The following DLG2 variants were observed in gnomAD, a reference collection of about 807,000 sequenced individuals.
DLG2 encodes the protein disks large homolog 2.
A neutral mutation model predicts 132.5 loss-of-function variants in DLG2; 45 were observed. That is an observed-to-expected ratio of 0.34 (90% CI 0.27 to 0.44). DLG2 has a LOEUF of 0.44. Ranked by LOEUF, DLG2 falls within the 20% of genes least tolerant of loss-of-function variation. The pLI, the probability that DLG2 is intolerant of heterozygous loss-of-function variation, is 1.00. For synonymous variants in DLG2, 424 were observed against 419.6 expected (o/e 1.01, Z -0.13); for missense variants, 1,045 against 1,196.9 (o/e 0.87, Z 1.87).
At chr11:83,892,631 A>G (rs2070273972) in intron 15 of DLG2, among the ~76,000 whole-genome samples, 2 of 152,104 alleles carry the variant, frequency 1.3e-5, no homozygotes, top group African/African-American at 4.8e-5. Context: ...GAAAGGGCAT[A>G]AAGGTAACAA....
rs1486131156 is a variant in DLG2 at position 84,120,994 on chromosome 11, G to T, written c.625-21947C>A. ...CTACAACACTACTCTAATTTCTTTT[G>T]TCTTTACTCTTGCTCATTCATTCAA... On this transcript the variant is annotated intron_variant, in intron 9 of 27. Transcript: ENST00000376104. Among the ~76,000 whole-genome samples, 3 of 152,086 alleles carry T rather than the reference G, an allele frequency of 2.0e-5. No individual in the cohort carries two copies. In the East Asian group the frequency reaches 5.8e-4, roughly 29 times the overall value.
At chr11:83,490,498 G>C (rs919331053) in intron 21 of DLG2, among the ~76,000 whole-genome samples, 1 of 151,972 alleles carries the variant, frequency 6.6e-6, no homozygotes, top group Non-Finnish European at 1.5e-5. Flanking sequence ...AGTCAAGTTA[G>C]GGAAGAATCA....
chr11:83,914,171 C>G (rs2076532830), intron 15 of DLG2, among the ~76,000 whole-genome samples: 1 of 152,066 alleles, frequency 6.6e-6, no homozygotes, highest in South Asian at 2.1e-4. Flanking sequence ...GGGGGCAGAT[C>G]TCTCATGATG....
intron 6 of DLG2, among the ~76,000 whole-genome samples, chr11:84,779,951 A>C (rs2071414404): frequency 6.6e-6 from 1 of 151,872 alleles, no homozygotes; most frequent in Non-Finnish European, 1.5e-5. Context: ...ACCAAATTCT[A>C]CCAGATATAC....
At chr11:83,567,772 A>G (rs1032976968) in intron 19 of DLG2, among the ~76,000 whole-genome samples, 4 of 152,172 alleles carry the variant, frequency 2.6e-5, no homozygotes, top group African/African-American at 9.6e-5. Context: ...GTTGCATTAC[A>G]AGGTATAGAG....
intron 5 of DLG2, among the ~76,000 whole-genome samples, chr11:85,137,704 T>C (rs1170316208): frequency 6.6e-6 from 1 of 152,044 alleles, no homozygotes; most frequent in Non-Finnish European, 1.5e-5. Context: ...AAAGATTAGG[T>C]CCAAAGGAAA....
At chr11:85,536,552 T>G (rs1296742654) in intron 3 of DLG2, among the ~76,000 whole-genome samples, 1 of 152,198 alleles carries the variant, frequency 6.6e-6, no homozygotes, top group Non-Finnish European at 1.5e-5. Context: ...GTTGCTGCGC[T>G]ATGAGGGCCC....
At chr11:84,322,271 T>C (rs994901314) in intron 7 of DLG2, among the ~76,000 whole-genome samples, 5 of 152,228 alleles carry the variant, frequency 3.3e-5, no homozygotes, top group Non-Finnish European at 7.4e-5. Flanking sequence ...GTCAGCACTT[T>C]AGTGGAACAT....
chr11:83,540,262 G>T (rs2096023732), intron 20 of DLG2, among the ~76,000 whole-genome samples: 1 of 152,164 alleles, frequency 6.6e-6, no homozygotes, highest in Non-Finnish European at 1.5e-5. Flanking sequence ...GAAATGGAGA[G>T]ACCCGGAATA....
chr11:84,597,971 T>C (rs2099567805), intron 6 of DLG2, among the ~76,000 whole-genome samples: 1 of 152,240 alleles, frequency 6.6e-6, no homozygotes, highest in Non-Finnish European at 1.5e-5. Context: ...TTAATCAATC[T>C]ATGTTTTTCT....
chr11:85,179,086 G>T (rs1220724908), intron 4 of DLG2, among the ~76,000 whole-genome samples: 1 of 151,660 alleles, frequency 6.6e-6, no homozygotes, highest in African/African-American at 2.4e-5. Context: ...AAATCAGCAG[G>T]AATAAAAAGG....
intron 17 of DLG2, among the ~76,000 whole-genome samples, chr11:83,793,207 G>A (rs1461439109): frequency 2.0e-5 from 3 of 152,012 alleles, no homozygotes; most frequent in Admixed American, 2.0e-4. Context: ...AATATTCTTA[G>A]TTTGTTATTT....
chr11:85,341,096 C>G (rs1282617952), intron 3 of DLG2, among the ~76,000 whole-genome samples: 1 of 133,104 alleles, frequency 7.5e-6, no homozygotes, highest in East Asian at 2.1e-4. Context: ...AATTTTGTGG[C>G]TTTTTCTTGT....
At chr11:84,571,427 A>G (rs549869440) in intron 6 of DLG2, among the ~76,000 whole-genome samples, 6 of 151,802 alleles carry the variant, frequency 4.0e-5, no homozygotes, top group South Asian at 4.2e-4. Context: ...ACCTAAGTAC[A>G]TTCATTTCAC....
At chr11:84,752,838 G>A (rs964495104) in intron 6 of DLG2, among the ~76,000 whole-genome samples, 16 of 147,230 alleles carry the variant, frequency 1.1e-4, no homozygotes, top group Admixed American at 1.4e-4. Flanking sequence ...TTGTTCTTGC[G>A]ATAGTTTACT....
At chr11:83,666,288 A>T (rs1394109916) in intron 18 of DLG2, among the ~76,000 whole-genome samples, 1 of 152,090 alleles carries the variant, frequency 6.6e-6, no homozygotes, top group Non-Finnish European at 1.5e-5. Context: ...GAGGTCCCCA[A>T]CCCCCAGTCC....
At chr11:84,763,419 A>G (rs1196102500) in intron 6 of DLG2, 1 of 151,846 alleles carries the variant, frequency 6.6e-6, no homozygotes, top group South Asian at 2.1e-4. Flanking sequence ...TTACCTATCC[A>G]TTTGCTTCTT....
intron 3 of DLG2, among the ~76,000 whole-genome samples, chr11:85,538,431 G>C (rs541966111): frequency 1.3e-5 from 2 of 151,910 alleles, no homozygotes; most frequent in African/African-American, 4.9e-5. Context: ...AGACAGTGTG[G>C]TGATTCCTCA....
At chr11:84,188,425 C>T (rs183010580) in intron 8 of DLG2, among the ~76,000 whole-genome samples, 1 of 152,156 alleles carries the variant, frequency 6.6e-6, no homozygotes, top group Non-Finnish European at 1.5e-5. Context: ...ATTTTATCTC[C>T]ACTTTAAATA....
Sources: gnomAD v4.1 joint callset for allele counts (sites outside exome capture counted in the v4.1 genomes callset) on GRCh38, gnomAD v4.1.1 for gene constraint, MANE v1.5 for transcripts, NCBI Gene and HGNC (gene_info 2026-07-23, HGNC 2026-07-21) for gene names.